Variants in DYNC2H1 observed in about 807,000 individuals in gnomAD.
DYNC2H1 encodes cytoplasmic dynein 2 heavy chain 1.
Under a neutral mutation model 570.0 loss-of-function variants are expected in DYNC2H1, and 410 were observed. The observed-to-expected ratio is 0.72, with a 90% CI of 0.66 to 0.78. DYNC2H1 has a LOEUF of 0.78. Among genes scored for constraint, DYNC2H1 ranks in the 30% least tolerant of loss-of-function variants. DYNC2H1 has a pLI of 0.00. For missense variants in DYNC2H1, 4,865 were observed against 5,046.4 expected, an observed-to-expected ratio of 0.96 and a Z score of 1.09; for synonymous variants, 1,688 against 1,677.6, an observed-to-expected ratio of 1.01 and a Z score of -0.15.
At chr11:103,371,859 A>C (rs890498735) in intron 83 of DYNC2H1, among the ~76,000 whole-genome samples, 19 of 144,462 alleles carry the variant, frequency 1.3e-4, no homozygotes, top group African/African-American at 4.8e-4. Context: ...GAGTCTTTAG[A>C]GTTTTCTGTA....
intron 76 of DYNC2H1, 43 bp from the exon 77 acceptor site, chr11:103,304,552 G>C (rs1308912262): frequency 1.3e-6 from 2 of 1,589,798 alleles, no homozygotes; most frequent in East Asian, 4.5e-5. Context: ...CAACATGTTA[G>C]CAGATCTGTT....
Position 103,307,724 on chromosome 11 carries a change from T to C in DYNC2H1, c.11386T>C (p.Leu3796=). Reference sequence around the variant, plus strand: ...TGTCATTGGTTTTGTAAACAAGGAATTGAATACTCTTCAACCTAAAGATAC... The same window carrying C: ...TGTCATTGGTTTTGTAAACAAGGAACTGAATACTCTTCAACCTAAAGATAC... ...VSWLPVLEKE[L]NTLQPKDTFR... is the part of the protein sequence containing the mutation. Residue 3796 remains leucine (L), a synonymous_variant, in exon 78 of 89, where the codon TTG becomes CTG. Transcript: ENST00000375735. The C allele has an allele frequency of 6.4e-7, 1 of 1,568,288 alleles. No homozygotes were observed. The highest frequency in any genetic ancestry group is 8.7e-7 in the Non-Finnish European group (1 of 1,154,580).
At chr11:103,419,580 A>C (rs572543528) in intron 84 of DYNC2H1, among the ~76,000 whole-genome samples, 2 of 152,008 alleles carry the variant, frequency 1.3e-5, no homozygotes, top group African/African-American at 2.4e-5. Flanking sequence ...AAAAAAAAAA[A>C]CCACACAGAA....
At chr11:103,258,074 G>A (rs926899971) in intron 69 of DYNC2H1, among the ~76,000 whole-genome samples, 2 of 152,122 alleles carry the variant, frequency 1.3e-5, no homozygotes, top group African/African-American at 4.8e-5. Context: ...ATCATTACCT[G>A]GGGAAAACAA....
At chr11:103,212,068 G>A (rs1279962816) in intron 54 of DYNC2H1, 125 bp downstream of exon 54, 3 of 1,162,188 alleles carry the variant, frequency 2.6e-6, no homozygotes, top group Non-Finnish European at 3.3e-6. Flanking sequence ...TAAAAGCCTT[G>A]GAAAACAGTC....
rs11225578 is a variant in DYNC2H1 at position 103,173,309 on chromosome 11, A to T, written c.5558+4A>T. ...TAGCTATTTTCAATCTATCTAGGTG[A>T]GTTTTCTTGTTCTAAATATTTTTAT... On this transcript the variant is annotated splice_donor_region_variant and intron_variant, in intron 35 of 88. Coordinates refer to ENST00000375735, the MANE Select transcript of DYNC2H1 (RefSeq NM_001377.3). 1 of 1,523,606 alleles carries T rather than the reference A, an allele frequency of 6.6e-7. No individual in the cohort carries two copies. The highest frequency in any genetic ancestry group is 2.5e-5 in the East Asian group (1 of 39,320). 94.4% of individuals were successfully genotyped at this position (1,523,606 alleles called of 1,614,324 possible).
intron 65 of DYNC2H1, among the ~76,000 whole-genome samples, chr11:103,246,133 T>C (rs1864605669): frequency 6.6e-6 from 1 of 152,086 alleles, no homozygotes; most frequent in Non-Finnish European, 1.5e-5. Flanking sequence ...TGTAACATTA[T>C]CCTCTTAATA....
intron 56 of DYNC2H1, 116 bp from the exon 57 acceptor site, chr11:103,220,507 G>C: frequency 1.0e-6 from 1 of 986,372 alleles, no homozygotes; most frequent in East Asian, 2.7e-5. Context: ...TTAAGAGAGA[G>C]AACATTAGTA....
intron 65 of DYNC2H1, among the ~76,000 whole-genome samples, chr11:103,246,630 C>T (rs1045185259): frequency 2.6e-5 from 4 of 151,966 alleles, no homozygotes; most frequent in African/African-American, 9.7e-5. Flanking sequence ...CCATCTTCTC[C>T]GCAGGGTTGG....
chr11:103,347,760 T>G (rs1253591556), intron 82 of DYNC2H1, among the ~76,000 whole-genome samples: 2 of 152,196 alleles, frequency 1.3e-5, no homozygotes, highest in African/African-American at 2.4e-5. Context: ...ATTAGCACTT[T>G]TCTCCAAAAA....
At chr11:103,274,134 G>GTGTA (rs568734983) in intron 70 of DYNC2H1, among the ~76,000 whole-genome samples, 24 of 149,714 alleles carry the variant, frequency 1.6e-4, no homozygotes, top group South Asian at 4.2e-4. Flanking sequence ...GTGTGTGTGT[G>GTGTA]TATATATATA....
In DYNC2H1 at chr11:103,363,139, G is replaced by A. The variant is rs937385135; in HGVS notation, c.12156+4780G>A. 3.3e-5 allele frequency among the ~76,000 whole-genome samples: 5 copies of A among 152,020 alleles called. No homozygotes were observed. Among genetic ancestry groups the A allele is most frequent in the Admixed American group, 6.6e-5 (1 of 15,264 alleles). On this transcript the variant is annotated intron_variant, in intron 83 of 88. Transcript: ENST00000375735. This position sits in a 1 kb window ranked among gnomAD's most constrained non-coding sequence, Gnocchi z 5.6. ...TGATTTTTATCCTGTTATTTTGCAC[G>A]AGATGCCTTAGTAATACTACAGTTC...
chr11:103,402,239 G>A (rs889355457), intron 84 of DYNC2H1: 1 of 152,104 alleles, frequency 6.6e-6, no homozygotes, highest in Non-Finnish European at 1.5e-5. Flanking sequence ...CCTGTTGAGG[G>A]TCAACGTCCC....
chr11:103,161,150 G>C (rs989243599), intron 29 of DYNC2H1, 106 bp downstream of exon 29: 5 of 552,988 alleles, frequency 9.0e-6, no homozygotes, highest in Non-Finnish European at 9.1e-6. Flanking sequence ...GTTAATTTAG[G>C]TATTTTAGGA....
intron 1 of DYNC2H1, among the ~76,000 whole-genome samples, chr11:103,113,161 T>C (rs953954710): frequency 3.3e-5 from 5 of 152,178 alleles, no homozygotes; most frequent in Admixed American, 6.5e-5. Context: ...AGAAGCACAC[T>C]ACTCATTGTG....
chr11:103,416,189 T>C (rs1437202876), intron 84 of DYNC2H1, among the ~76,000 whole-genome samples: 5 of 152,082 alleles, frequency 3.3e-5, no homozygotes, highest in African/African-American at 1.2e-4. Flanking sequence ...TTAGGAGAAA[T>C]ACCCAGTGTA....
At chr11:103,361,435 T>C (rs1291453318) in intron 83 of DYNC2H1, among the ~76,000 whole-genome samples, 2 of 152,186 alleles carry the variant, frequency 1.3e-5, no homozygotes, top group African/African-American at 4.8e-5. Context: ...TTTCTGTTGT[T>C]TATAAGACAC....
In DYNC2H1 at chr11:103,120,494, T is replaced by C. The variant is rs1442313337; in HGVS notation, c.1047T>C (p.Pro349=). The C allele has an allele frequency of 1.2e-6, 2 of 1,613,000 alleles. No homozygotes were observed. Residue 349 remains proline, a synonymous_variant, in exon 7 of 89, where the codon CCT becomes CCC. Coordinates refer to ENST00000375735, the MANE Select transcript of DYNC2H1 (RefSeq NM_001377.3). ...ATGAGAAGTTTCTCTATTTTCTACC[T>C]GCCAGTGAAGAGAAAATCATATGCC... is the stretch of plus-strand genomic sequence containing the variant. ...TIHEKFLYFL[P]ASEEKIICLT...
chr11:103,273,933 G>T (rs889001984), intron 70 of DYNC2H1, among the ~76,000 whole-genome samples: 5 of 151,998 alleles, frequency 3.3e-5, no homozygotes, highest in African/African-American at 1.2e-4. Flanking sequence ...CCTATTTTTT[G>T]ACAACATTTT....
Sources: gnomAD v4.1 joint callset for allele counts (sites outside exome capture counted in the v4.1 genomes callset) on GRCh38, gnomAD v4.1.1 for gene constraint, Gnocchi (gnomAD v3.1) non-coding constraint, MANE v1.5 for transcripts, NCBI Gene and HGNC (gene_info 2026-07-23, HGNC 2026-07-21) for gene names.